Variants in ZNF737 observed in about 807,000 individuals in gnomAD.
ZNF737 encodes the protein zinc finger protein 102 (Y3).
A neutral mutation model predicts 11.7 loss-of-function variants in ZNF737; 13 were observed. The ratio of observed to expected loss-of-function variants is 1.11; its 90% CI spans 0.73 to 1.77. The LOEUF is 1.77. Ranked by LOEUF, ZNF737 falls within the 40% of genes most tolerant of loss-of-function variation. ZNF737 has a pLI of 0.00. For synonymous variants in ZNF737, 217 were observed against 216.2 expected, an observed-to-expected ratio of 1.00 and a Z score of -0.03; for missense variants, 636 against 638.0, an observed-to-expected ratio of 1.00 and a Z score of 0.03.
chr19:20,542,156 T>G lies in ZNF737; in HGVS notation c.*2436A>C. 4.1e-6 allele frequency: 4 copies of G among 985,154 alleles called. No homozygotes were observed. Among genetic ancestry groups the G allele is most frequent in the Non-Finnish European group, 4.8e-6 (4 of 829,728 alleles). The allele number at this position is 985,154 out of a possible 1,614,324, so 61.0% of individuals were successfully genotyped here. A position where few individuals can be genotyped will look rare whatever the true frequency, so the allele number is the denominator to read the frequency against. ...AAGTGGGATACAGTTAGTGGCACAA[T>G]AATGGTTCATTAAACGCACGGTAGT... On this transcript the variant is annotated 3_prime_UTR_variant, in exon 4 of 4. Transcript: ENST00000427401.
chr19:20,559,118 T>C (rs1446938677), intron 1 of ZNF737, among the ~76,000 whole-genome samples: 1 of 152,076 alleles, frequency 6.6e-6, no homozygotes, highest in Non-Finnish European at 1.5e-5. Flanking sequence ...ACACAGAAAC[T>C]GGCAAAGAAT....
rs375309959 is a variant in ZNF737, at chr19:20,547,401, A to AAC, written c.227-1426_227-1425insGT. Among the ~76,000 whole-genome samples the AAC allele has an allele frequency of 5.3e-4, 75 of 141,186 alleles. 5 individuals carry two copies. Among genetic ancestry groups the AAC allele is most frequent in the Non-Finnish European group, 4.9e-4 (32 of 64,846 alleles). The allele number at this position is 141,186 out of a possible 152,430, so 92.6% of individuals were successfully genotyped here. ...GTCTCAAAAAAAAAAAAAAAAAAAAACACCACCTACAGTAACATAAACAAT... is the reference window on the plus strand; with the variant it reads ...GTCTCAAAAAAAAAAAAAAAAAAAAAACCACCACCTACAGTAACATAAACAAT... On this transcript the variant is annotated intron_variant, in intron 3 of 3. Coordinates refer to ENST00000427401, the MANE Select transcript of ZNF737 (RefSeq NM_001159293.2).
At chr19:20,565,356 C>T (rs1189343285) in intron 1 of ZNF737, among the ~76,000 whole-genome samples, 1 of 152,220 alleles carries the variant, frequency 6.6e-6, no homozygotes, top group Non-Finnish European at 1.5e-5. Flanking sequence ...GGTCCCTGCA[C>T]ATTCTGGGAG....
rs1599415194 is a variant in ZNF737, at chr19:20,548,961, T to TAAAAAA, written c.227-2986_227-2985insTTTTTT. Among the ~76,000 whole-genome samples the TAAAAAA allele has an allele frequency of 1.6e-4, 3 of 18,658 alleles. No homozygotes were observed. In the African/African-American group the frequency reaches 1.7e-3, roughly 11 times the overall value. The allele number at this position is 18,658 out of a possible 152,430, so 12.2% of individuals were successfully genotyped here. A position where few individuals can be genotyped will look rare whatever the true frequency, so the allele number is the denominator to read the frequency against. ...TAAGCAATTTTTTTTAAAGAAAAAC[T>TAAAAAA]GAAAAAAAAAAAAAAAAAACAATTA... On this transcript the variant is annotated intron_variant, in intron 3 of 3. Coordinates refer to ENST00000427401, the MANE Select transcript of ZNF737 (RefSeq NM_001159293.2).
chr19:20,552,382 C>A, intron 3 of ZNF737, 93 bp downstream of exon 3: 2 of 853,126 alleles, frequency 2.3e-6, no homozygotes, highest in Admixed American at 3.3e-5. Flanking sequence ...TGGAGCACAG[C>A]TTCCCAAATC....
intron 1 of ZNF737, among the ~76,000 whole-genome samples, chr19:20,560,145 C>G (rs1482692902): frequency 7.1e-6 from 1 of 139,876 alleles, no homozygotes; most frequent in Non-Finnish European, 1.5e-5. Flanking sequence ...CGCAGTCCGG[C>G]CTGGGCGACA....
downstream of ZNF737, among the ~76,000 whole-genome samples, chr19:20,537,192 T>G (rs1402495080): frequency 1.2e-5 from 1 of 84,004 alleles, no homozygotes; most frequent in Non-Finnish European, 2.2e-5. Context: ...AAGGTACTGG[T>G]TTTTTTTTTT....
intron 3 of ZNF737, 112 bp downstream of exon 3, chr19:20,552,363 T>A: frequency 6.4e-6 from 4 of 628,342 alleles, no homozygotes; most frequent in East Asian, 3.7e-5. Context: ...TCCCAGGAAC[T>A]ATTTTCTTTG....
rs1274196830 is a variant in ZNF737, at chr19:20,540,335, A to C, written c.*4257T>G. ...GTCTACGGATGAGTAACCTAATTTC[A>C]TAAGTGATTTCCCACCACAGTCACA... On this transcript the variant is annotated 3_prime_UTR_variant, in exon 4 of 4. Transcript: ENST00000427401. Among the ~76,000 whole-genome samples, 1 of 152,200 alleles carries C rather than the reference A, an allele frequency of 6.6e-6. No individual in the cohort carries two copies. The highest frequency in any genetic ancestry group is 2.4e-5 in the African/African-American group (1 of 41,454).
chr19:20,562,526 T>C (rs1455815509), intron 1 of ZNF737, among the ~76,000 whole-genome samples: 6 of 150,334 alleles, frequency 4.0e-5, no homozygotes, highest in African/African-American at 1.5e-4. Context: ...CTTTTTCTTT[T>C]TTTTTTTCTG....
rs2122475150 is a variant in ZNF737, at chr19:20,538,072, C to A, written c.*6520G>T. On this transcript the variant is annotated 3_prime_UTR_variant, in exon 4 of 4. Coordinates refer to ENST00000427401, the MANE Select transcript of ZNF737 (RefSeq NM_001159293.2). ...GTAATCACTCTGAACACAGCATTCT[C>A]AGTTCACAGTGTAAAAAGTGAAGTA... The A allele has an allele frequency of 1.0e-6, 1 of 982,238 alleles. No individual in the cohort carries two copies. Among genetic ancestry groups the A allele is most frequent in the Non-Finnish European group, 1.2e-6 (1 of 827,080 alleles). 60.8% of individuals were successfully genotyped at this position (982,238 alleles called of 1,614,324 possible).
Position 20,538,407 on chromosome 19 carries a change from A to G in ZNF737, c.*6185T>C, listed in dbSNP as rs998220985. ...CTCCTCTGCCTTTGTCTCTTTTAAA[A>G]AGTTCTAAGTTGCTAAACAATTGGG... On this transcript the variant is annotated 3_prime_UTR_variant, in exon 4 of 4. Coordinates refer to ENST00000427401, the MANE Select transcript of ZNF737 (RefSeq NM_001159293.2). 1.3e-5 allele frequency among the ~76,000 whole-genome samples: 2 copies of G among 152,152 alleles called. No homozygotes were observed. Among genetic ancestry groups the G allele is most frequent in the Non-Finnish European group, 2.9e-5 (2 of 68,044 alleles).
At chr19:20,552,745 T>G (rs574804165) in intron 2 of ZNF737, among the ~76,000 whole-genome samples, 175 bp from the exon 3 acceptor site, 19 of 152,172 alleles carry the variant, frequency 1.2e-4, no homozygotes, top group East Asian at 1.2e-3. Context: ...CAGGTGCAGT[T>G]ACTCACGCCT....
Position 20,543,632 on chromosome 19 carries a change from T to C in ZNF737, c.*960A>G, listed in dbSNP as rs1968308915. 1 of 985,552 alleles carries C rather than the reference T, an allele frequency of 1.0e-6. No individual in the cohort carries two copies. The allele number at this position is 985,552 out of a possible 1,614,324, so 61.1% of individuals were successfully genotyped here. The stretch of plus-strand genomic sequence containing the variant: ...ACATTCTTCACACTTGTAGGAGTTT[T>C]GCCAGTATGAATTATCCAACCTACA... On this transcript the variant is annotated 3_prime_UTR_variant, in exon 4 of 4. Coordinates refer to ENST00000427401, the MANE Select transcript of ZNF737 (RefSeq NM_001159293.2).
rs1491170549 is a variant in ZNF737 at position 20,548,980 on chromosome 19, A to AAAAAAC, written c.227-3005_227-3004insGTTTTT. Among the ~76,000 whole-genome samples the AAAAAAC allele has an allele frequency of 1.2e-3, 79 of 66,552 alleles. 4 individuals are homozygous for AAAAAAC. Among genetic ancestry groups the AAAAAAC allele is most frequent in the South Asian group, 6.4e-3 (13 of 2,024 alleles). The allele number at this position is 66,552 out of a possible 152,430, so 43.7% of individuals were successfully genotyped here. On this transcript the variant is annotated intron_variant, in intron 3 of 3. Transcript: ENST00000427401. ...AAAAACTGAAAAAAAAAAAAAAAAA[A>AAAAAAC]CAATTATGTATCTTTTTGAAATTTA...
chr19:20,537,055 ATCATAACACTGCAC>A (rs1273761541), downstream of ZNF737, among the ~76,000 whole-genome samples: 1 of 152,158 alleles, frequency 6.6e-6, no homozygotes, highest in Non-Finnish European at 1.5e-5. Context: ...GTGATCTGAG[ATCATAACACTGCAC>A]TCCAGCCTGG....
At chr19:20,557,815 C>T (rs930040236) in intron 1 of ZNF737, among the ~76,000 whole-genome samples, 2 of 151,982 alleles carry the variant, frequency 1.3e-5, no homozygotes, top group African/African-American at 4.8e-5. Context: ...CAGCATTTCA[C>T]CATATTAGCC....
At chr19:20,537,190 G>GTT (rs1968001277), downstream of ZNF737, among the ~76,000 whole-genome samples, 1 of 140,014 alleles carries the variant, frequency 7.1e-6, no homozygotes, top group African/African-American at 2.9e-5. Flanking sequence ...TTAAGGTACT[G>GTT]GTTTTTTTTT....
At chr19:20,550,462 A>T (rs1555758065) in intron 3 of ZNF737, among the ~76,000 whole-genome samples, 2 of 152,248 alleles carry the variant, frequency 1.3e-5, no homozygotes, top group Non-Finnish European at 2.9e-5. Context: ...ATCTAAAATT[A>T]CAGACAAATC....
Sources: allele counts gnomAD v4.1 joint callset (sites outside exome capture counted in the v4.1 genomes callset), GRCh38; gene constraint gnomAD v4.1.1; transcripts MANE v1.5; gene names NCBI Gene and HGNC (gene_info 2026-07-23, HGNC 2026-07-21).